NRG3: variants seen among roughly 807,000 people sequenced by gnomAD.
NRG3 encodes neuregulin 3, also known as pro-neuregulin-3, membrane-bound isoform.
NRG3 carries 31 observed loss-of-function variants against 66.9 expected under a neutral mutation model. The observed-to-expected ratio is 0.46, with a 90% confidence interval of 0.35 to 0.63. NRG3 has a LOEUF of 0.63. Among genes scored for constraint, NRG3 ranks in the 20% least tolerant of loss-of-function variants. The pLI is 0.00. For synonymous variants in NRG3, 393 were observed against 359.4 expected (o/e 1.09, Z -1.06); for missense variants, 910 against 878.9 (o/e 1.04, Z -0.45).
intron 2 of NRG3, among the ~76,000 whole-genome samples, chr10:82,472,338 A>G (rs571976286): frequency 2.0e-5 from 3 of 152,318 alleles, no homozygotes; most frequent in Non-Finnish European, 2.9e-5. Context: ...ACACTAGTTC[A>G]ATGATGAGAA....
intron 1 of NRG3, among the ~76,000 whole-genome samples, chr10:82,191,160 AG>A (rs2074120634): frequency 6.6e-6 from 1 of 152,158 alleles, no homozygotes; most frequent in Admixed American, 6.5e-5. Flanking sequence ...TCTTCTGTCT[AG>A]GTTGGACAGT....
intron 1 of NRG3, among the ~76,000 whole-genome samples, chr10:81,965,339 T>C (rs1215514943): frequency 6.6e-6 from 1 of 152,258 alleles, no homozygotes; most frequent in East Asian, 1.9e-4. Flanking sequence ...CAAATTCTTA[T>C]CAGATGTGTA....
chr10:82,920,526 T>A (rs1006117740), intron 4 of NRG3, among the ~76,000 whole-genome samples: 2 of 152,096 alleles, frequency 1.3e-5, no homozygotes, highest in African/African-American at 4.8e-5. Flanking sequence ...GCCCTGTCAG[T>A]TGAGAGAGCC....
chr10:82,202,820 G>T (rs971868882), intron 1 of NRG3, among the ~76,000 whole-genome samples: 1 of 152,164 alleles, frequency 6.6e-6, no homozygotes, highest in African/African-American at 2.4e-5. Context: ...TAAAAGGAGG[G>T]ACGTGGGAAG....
At chr10:82,856,155 C>T (rs2063791646) in intron 3 of NRG3, among the ~76,000 whole-genome samples, 1 of 152,054 alleles carries the variant, frequency 6.6e-6, no homozygotes, top group East Asian at 1.9e-4. Context: ...CCTGGGTATG[C>T]TCTGAAAGAC....
intron 3 of NRG3, among the ~76,000 whole-genome samples, chr10:82,774,081 C>G (rs538414148): frequency 6.6e-6 from 1 of 152,004 alleles, no homozygotes; most frequent in South Asian, 2.1e-4. Context: ...ATTTTTTTGA[C>G]GTGTTGCTAA....
intron 4 of NRG3, among the ~76,000 whole-genome samples, chr10:82,920,838 A>G (rs757160178): frequency 1.3e-5 from 2 of 152,178 alleles, no homozygotes; most frequent in Non-Finnish European, 2.9e-5. Flanking sequence ...ACTGTAACCC[A>G]GTGTATTAAA....
chr10:82,016,672 A>G (rs2061800313), intron 1 of NRG3, among the ~76,000 whole-genome samples: 1 of 152,104 alleles, frequency 6.6e-6, no homozygotes, highest in Non-Finnish European at 1.5e-5. Flanking sequence ...AAATATTGTT[A>G]TGTTTTAAGT....
chr10:82,612,338 C>CT (rs962715641), intron 2 of NRG3, among the ~76,000 whole-genome samples: 1 of 151,812 alleles, frequency 6.6e-6, no homozygotes, highest in Admixed American at 6.6e-5. Flanking sequence ...TCCTCCTCCT[C>CT]TTTTTTTTAA....
intron 2 of NRG3, among the ~76,000 whole-genome samples, chr10:82,589,804 G>C (rs937177472): frequency 6.6e-6 from 1 of 152,072 alleles, no homozygotes; most frequent in Non-Finnish European, 1.5e-5. Context: ...CATTGACTAG[G>C]GTAATTGGCA....
chr10:82,650,311 G>T (rs552896763), intron 2 of NRG3, among the ~76,000 whole-genome samples: 1 of 152,286 alleles, frequency 6.6e-6, no homozygotes, highest in Admixed American at 6.5e-5. Flanking sequence ...GGAGGATACT[G>T]GCCCTGGGCT....
At chr10:82,634,200 TA>T (rs1184419836) in intron 2 of NRG3, among the ~76,000 whole-genome samples, 1 of 152,140 alleles carries the variant, frequency 6.6e-6, no homozygotes, top group Non-Finnish European at 1.5e-5. Context: ...AAAGTGGAGT[TA>T]TTTTTTTGAG....
At chr10:82,871,189 C>T (rs1413920420) in intron 4 of NRG3, among the ~76,000 whole-genome samples, 2 of 151,820 alleles carry the variant, frequency 1.3e-5, no homozygotes, top group African/African-American at 2.4e-5. Context: ...ATCTTTTCTC[C>T]ATTGTATTGT....
intron 4 of NRG3, among the ~76,000 whole-genome samples, chr10:82,885,013 T>C (rs2136084459): frequency 2.0e-5 from 3 of 152,350 alleles, no homozygotes; most frequent in Admixed American, 2.0e-4. Flanking sequence ...ATTTATTGTT[T>C]GCTGTAGAAA....
intron 1 of NRG3, among the ~76,000 whole-genome samples, chr10:82,134,407 C>G (rs1406289268): frequency 6.6e-6 from 1 of 152,048 alleles, no homozygotes; most frequent in East Asian, 1.9e-4. Flanking sequence ...ATATTTACAC[C>G]TTTAATCCAT....
At chr10:82,373,145 G>C (rs1030323746) in intron 2 of NRG3, among the ~76,000 whole-genome samples, 1 of 152,172 alleles carries the variant, frequency 6.6e-6, no homozygotes, top group African/African-American at 2.4e-5. Flanking sequence ...CCTTGTTATG[G>C]GTCAGGCAGC....
chr10:82,142,370 A>G (rs980163299), intron 1 of NRG3, among the ~76,000 whole-genome samples: 1 of 152,172 alleles, frequency 6.6e-6, no homozygotes, highest in African/African-American at 2.4e-5. Flanking sequence ...CCTGGACAGT[A>G]TCTGGCCTCC....
At chr10:82,487,942 A>G (rs1372615442) in intron 2 of NRG3, among the ~76,000 whole-genome samples, 3 of 152,236 alleles carry the variant, frequency 2.0e-5, no homozygotes, top group African/African-American at 7.2e-5. Flanking sequence ...GTATTTGTTT[A>G]GCAGACAATT....
intron 1 of NRG3, among the ~76,000 whole-genome samples, chr10:82,068,409 C>T (rs1739225045): frequency 6.6e-6 from 1 of 152,102 alleles, no homozygotes; most frequent in Non-Finnish European, 1.5e-5. Context: ...ATGTATCAAG[C>T]ACATACTACA....
Sources: allele counts gnomAD v4.1 joint callset (sites outside exome capture counted in the v4.1 genomes callset), GRCh38; gene constraint gnomAD v4.1.1; transcripts MANE v1.5; gene names NCBI Gene and HGNC (gene_info 2026-07-23, HGNC 2026-07-21).